KCNQ5: variants seen among roughly 807,000 people sequenced by gnomAD.
The protein encoded by KCNQ5 is potassium voltage-gated channel subfamily KQT member 5.
In KCNQ5, 30 loss-of-function variants were observed where a neutral mutation model predicts 98.2. The ratio of observed to expected loss-of-function variants is 0.31; its 90% CI spans 0.23 to 0.41. KCNQ5 has a LOEUF of 0.41. Among genes scored for constraint, KCNQ5 ranks in the 10% least tolerant of loss-of-function variants. The pLI, the probability that KCNQ5 is intolerant of heterozygous loss-of-function variation, is 1.00. For synonymous variants in KCNQ5, 458 were observed against 449.4 expected (o/e 1.02, Z -0.24); for missense variants, 835 against 1,182.5 (o/e 0.71, Z 4.31).
intron 1 of KCNQ5, among the ~76,000 whole-genome samples, chr6:72,784,888 G>C (rs1773656569): frequency 6.6e-6 from 1 of 152,224 alleles, no homozygotes; most frequent in Non-Finnish European, 1.5e-5. Flanking sequence ...GAGAGAAAGT[G>C]ATGGTAATGG....
chr6:72,979,527 AT>A (rs1310562725), intron 1 of KCNQ5, among the ~76,000 whole-genome samples: 1 of 151,456 alleles, frequency 6.6e-6, no homozygotes. Context: ...GGGTTGTTTG[AT>A]TTTTTTCTTG....
intron 1 of KCNQ5, among the ~76,000 whole-genome samples, chr6:72,915,141 C>T (rs1780083178): frequency 6.6e-6 from 1 of 152,010 alleles, no homozygotes; most frequent in African/African-American, 2.4e-5. Flanking sequence ...TTAATAATGG[C>T]TTTTTAGCAA....
chr6:72,807,351 T>C (rs938539904), intron 1 of KCNQ5, among the ~76,000 whole-genome samples: 1 of 152,170 alleles, frequency 6.6e-6, no homozygotes, highest in African/African-American at 2.4e-5. Flanking sequence ...AAGTAATTGA[T>C]TGATTTATGC....
intron 10 of KCNQ5, among the ~76,000 whole-genome samples, chr6:73,137,465 C>A (rs1303360173): frequency 6.6e-6 from 1 of 152,030 alleles, no homozygotes; most frequent in Non-Finnish European, 1.5e-5. Context: ...CTGATAAATT[C>A]TATAATAAAA....
At chr6:72,694,307 G>A (rs1273709401) in intron 1 of KCNQ5, among the ~76,000 whole-genome samples, 1 of 152,162 alleles carries the variant, frequency 6.6e-6, no homozygotes, top group Non-Finnish European at 1.5e-5. Context: ...CTGTGGCTGG[G>A]CAGGAAGACT....
At chr6:73,039,756 C>T (rs967503602) in intron 2 of KCNQ5, among the ~76,000 whole-genome samples, 2 of 152,068 alleles carry the variant, frequency 1.3e-5, no homozygotes, top group African/African-American at 4.8e-5. Flanking sequence ...AATAAATGTG[C>T]ATGGGTGCTT....
intron 2 of KCNQ5, among the ~76,000 whole-genome samples, chr6:73,022,686 T>G (rs1282445930): frequency 6.6e-6 from 1 of 152,148 alleles, no homozygotes; most frequent in Non-Finnish European, 1.5e-5. Context: ...CATTCCTGAC[T>G]TCATTCATGC....
intron 1 of KCNQ5, among the ~76,000 whole-genome samples, chr6:72,874,847 A>G (rs545268243): frequency 1.5e-4 from 23 of 152,318 alleles, no homozygotes; most frequent in African/African-American, 5.3e-4. Context: ...AAATGATTAC[A>G]TCTGTACAAA....
intron 1 of KCNQ5, among the ~76,000 whole-genome samples, chr6:72,738,940 A>G (rs1770990401): frequency 6.6e-6 from 1 of 152,214 alleles, no homozygotes; most frequent in African/African-American, 2.4e-5. Context: ...TTTTTAGGGC[A>G]ATGAAACTAC....
At chr6:73,189,410 T>G (rs190820303) in intron 11 of KCNQ5, among the ~76,000 whole-genome samples, 28 of 152,300 alleles carry the variant, frequency 1.8e-4, no homozygotes, top group African/African-American at 6.7e-4. Flanking sequence ...CAAGGTAGGG[T>G]TTAGGCTTTT....
chr6:72,767,107 T>A (rs972111687), intron 1 of KCNQ5, among the ~76,000 whole-genome samples: 5 of 151,880 alleles, frequency 3.3e-5, no homozygotes, highest in African/African-American at 1.2e-4. Flanking sequence ...ATTCACTGAG[T>A]TGGGAGAGAC....
intron 5 of KCNQ5, among the ~76,000 whole-genome samples, chr6:73,097,291 T>A (rs1294141134): frequency 6.6e-6 from 1 of 150,996 alleles, no homozygotes; most frequent in African/African-American, 2.4e-5. Context: ...TTTCATTGTT[T>A]CAGATTCCCC....
intron 1 of KCNQ5, among the ~76,000 whole-genome samples, chr6:72,935,173 C>T (rs1013700904): frequency 6.0e-5 from 9 of 149,034 alleles, no homozygotes; most frequent in African/African-American, 9.9e-5. Context: ...CAGGTTCAAG[C>T]GATTCTCCTG....
intron 1 of KCNQ5, among the ~76,000 whole-genome samples, chr6:72,958,146 AG>A (rs781077921): frequency 6.6e-6 from 1 of 152,126 alleles, no homozygotes; most frequent in Admixed American, 6.5e-5. Flanking sequence ...TTACATGGAA[AG>A]GGTTCCCTTA....
At chr6:72,976,756 C>T (rs1768176455) in intron 1 of KCNQ5, among the ~76,000 whole-genome samples, 3 of 152,150 alleles carry the variant, frequency 2.0e-5, no homozygotes, top group Admixed American at 1.3e-4. Context: ...CACAATATTA[C>T]CCATTTATTT....
chr6:72,949,875 A>G (rs892286677), intron 1 of KCNQ5, among the ~76,000 whole-genome samples: 1 of 152,176 alleles, frequency 6.6e-6, no homozygotes, highest in Admixed American at 6.5e-5. Context: ...ATGGTTATCA[A>G]TTTAATGCTA....
intron 10 of KCNQ5, among the ~76,000 whole-genome samples, chr6:73,152,429 C>A (rs1004850722): frequency 6.6e-5 from 10 of 151,976 alleles, no homozygotes; most frequent in African/African-American, 2.4e-4. Context: ...ATTTTCATTT[C>A]TGCTATCATT....
chr6:73,046,623 A>ATTTTATTTTATTTTG (rs1771972792), intron 3 of KCNQ5, among the ~76,000 whole-genome samples: 3 of 143,980 alleles, frequency 2.1e-5, no homozygotes, highest in African/African-American at 7.7e-5. Flanking sequence ...ATTTTATTTT[A>ATTTTATTTTATTTTG]TTTTATTTTA....
chr6:72,731,686 A>C (rs1255209583), intron 1 of KCNQ5, among the ~76,000 whole-genome samples: 1 of 152,156 alleles, frequency 6.6e-6, no homozygotes, highest in South Asian at 2.1e-4. Flanking sequence ...GTTCTCTTCT[A>C]ATACTTTCCA....
Sources: gnomAD v4.1 joint callset for allele counts (sites outside exome capture counted in the v4.1 genomes callset) on GRCh38, gnomAD v4.1.1 for gene constraint, MANE v1.5 for transcripts, NCBI Gene and HGNC (gene_info 2026-07-23, HGNC 2026-07-21) for gene names.